Variants in PSME4 observed in about 807,000 individuals in gnomAD.
PSME4 encodes the protein proteasome activator complex subunit 4.
Under a neutral mutation model 253.9 loss-of-function variants are expected in PSME4, and 89 were observed. The ratio of observed to expected loss-of-function variants is 0.35; its 90% CI spans 0.30 to 0.42. The LOEUF (loss-of-function observed/expected upper bound fraction) is 0.42. Ranked by LOEUF, PSME4 falls within the 10% of genes least tolerant of loss-of-function variation. The pLI, the probability that PSME4 is intolerant of heterozygous loss-of-function variation, is 1.00. For synonymous variants in PSME4, 851 were observed against 759.2 expected (o/e 1.12, Z -1.99); for missense variants, 2,014 against 2,195.2 (o/e 0.92, Z 1.65).
At position 53,887,458 on chromosome 2, in the gene PSME4, G is replaced by A. The variant is rs1679692093; in HGVS notation, c.4530C>T (p.Thr1510=). 6.2e-7 allele frequency: 1 copy of A among 1,611,384 alleles called. No individual in the cohort carries two copies. The highest frequency in any genetic ancestry group is 2.2e-5 in the East Asian group (1 of 44,854). The stretch of plus-strand genomic sequence containing the variant: ...AAGATACATCTATCATGAATATGTA[G>A]GTCAGCACACTGCAAAATAAAATAC... ...NVRERIGSVL[T]YIFMIDVSLP... Residue 1510 remains threonine (T), a synonymous_variant, in exon 40 of 47, where the codon ACC becomes ACT. Transcript: ENST00000404125.
intron 41 of PSME4, among the ~76,000 whole-genome samples, chr2:53,882,960 T>C (rs1679466290): frequency 6.6e-6 from 1 of 151,924 alleles, no homozygotes; most frequent in South Asian, 2.1e-4. Context: ...GCTGTTATCA[T>C]ACACAATTAG....
chr2:53,968,275 A>C (rs1387562209), intron 1 of PSME4, among the ~76,000 whole-genome samples: 1 of 76,766 alleles, frequency 1.3e-5, no homozygotes, highest in Admixed American at 1.3e-4. Flanking sequence ...ACTCCACCTC[A>C]AAAAAAAAAA....
chr2:53,969,672 A>C (rs7560832), intron 1 of PSME4, among the ~76,000 whole-genome samples: 13,909 of 144,734 alleles, frequency 0.096, 880 homozygotes, highest in African/African-American at 0.19. Flanking sequence ...TTTTTCCCCC[A>C]CTGTATTTTC....
chr2:53,879,044 C>G (rs1212019178), intron 41 of PSME4, among the ~76,000 whole-genome samples: 1 of 152,172 alleles, frequency 6.6e-6, no homozygotes, highest in African/African-American at 2.4e-5. Context: ...GGACACCCAG[C>G]TTTAAAATTC....
chr2:53,918,304 G>A (rs1668148145), intron 20 of PSME4, among the ~76,000 whole-genome samples: 1 of 152,034 alleles, frequency 6.6e-6, no homozygotes, highest in Admixed American at 6.5e-5. Context: ...TTATCTATCT[G>A]TTTAATAATT....
intron 45 of PSME4, 28 bp downstream of exon 45, chr2:53,866,719 C>T (rs911192455): frequency 1.3e-5 from 21 of 1,595,068 alleles, no homozygotes; most frequent in African/African-American, 2.7e-5. Context: ...TGATAATACA[C>T]GTACAAACTA....
chr2:53,876,583 T>TTATA (rs147877530), intron 41 of PSME4, among the ~76,000 whole-genome samples: 1,948 of 150,102 alleles, frequency 0.013, 47 homozygotes, highest in African/African-American at 0.044. Flanking sequence ...GCTAGAATAC[T>TTATA]TATATATATA....
intron 37 of PSME4, 133 bp downstream of exon 37, chr2:53,889,970 TA>T: frequency 1.4e-6 from 1 of 698,052 alleles, no homozygotes; most frequent in Non-Finnish European, 2.4e-6. Flanking sequence ...CCCATGGAAA[TA>T]AAAAATAAAA....
At chr2:53,970,291 G>C (rs975012346) in intron 1 of PSME4, among the ~76,000 whole-genome samples, 1 of 152,164 alleles carries the variant, frequency 6.6e-6, no homozygotes, top group Admixed American at 6.5e-5. Context: ...ACAACAACCC[G>C]AACACTTCGG....
chr2:53,901,165 CCT>C (rs1489362671), intron 28 of PSME4, among the ~76,000 whole-genome samples, 183 bp downstream of exon 28: 3 of 151,994 alleles, frequency 2.0e-5, no homozygotes, highest in Non-Finnish European at 4.4e-5. Flanking sequence ...GCTACTTCAC[CCT>C]GTTATGTACA....
intron 28 of PSME4, 88 bp from the exon 29 acceptor site, chr2:53,900,105 G>A: frequency 1.6e-6 from 2 of 1,212,946 alleles, no homozygotes; most frequent in South Asian, 2.9e-5. Flanking sequence ...CTAAGTGAAA[G>A]AGGCCAGACA....
rs200756300 is a variant in PSME4, at chr2:53,945,372, ACTT to A, written c.500+3046_500+3048del. 9.6e-3 allele frequency among the ~76,000 whole-genome samples: 1,456 copies of A among 152,264 alleles called. 27 individuals are homozygous for A. Among genetic ancestry groups the A allele is most frequent in the African/African-American group, 0.033 (1,368 of 41,546 alleles). On this transcript the variant is annotated intron_variant, in intron 3 of 46. Transcript: ENST00000404125. ...TCACACTCATCTCCTTTCCAATTTT[ACTT>A]CTTCTATTGAATAAAAAACACTACC...
Position 53,948,606 on chromosome 2 carries a change from T to C in PSME4, c.384-69A>G, listed in dbSNP as rs1016585421. On this transcript the variant is annotated intron_variant, in intron 2 of 46. Transcript: ENST00000404125. ...ACAGATGTGTGTATACCACAAATAC[T>C]ACACAGGGACAGTTAAACATTGCTG... 5 of 978,218 alleles carry C rather than the reference T, an allele frequency of 5.1e-6. No individual in the cohort carries two copies. The Admixed American group carries it at 5.4e-5, about 10-fold the overall frequency. The allele number at this position is 978,218 out of a possible 1,614,324, so 60.6% of individuals were successfully genotyped here.
intron 3 of PSME4, among the ~76,000 whole-genome samples, chr2:53,940,744 C>T (rs990458911): frequency 1.3e-5 from 2 of 149,336 alleles, no homozygotes; most frequent in Admixed American, 6.8e-5. Context: ...ACAATATAAA[C>T]AATGGAGCAC....
chr2:53,936,295 GTTT>G, intron 6 of PSME4, 134 bp from the exon 7 acceptor site: 2 of 1,276,278 alleles, frequency 1.6e-6, no homozygotes, highest in Non-Finnish European at 2.0e-6. Flanking sequence ...TTATGACTTT[GTTT>G]TTTTTAAAAC....
At chr2:53,969,808 C>T (rs1558439085) in intron 1 of PSME4, among the ~76,000 whole-genome samples, 3 of 151,946 alleles carry the variant, frequency 2.0e-5, no homozygotes, top group South Asian at 4.1e-4. Flanking sequence ...TTAACACAAG[C>T]CTGATACTAA....
Position 53,937,366 on chromosome 2 carries a change from T to C in PSME4, c.695+25A>G, listed in dbSNP as rs1479198042. On this transcript the variant is annotated intron_variant, in intron 5 of 46. Coordinates refer to ENST00000404125, the MANE Select transcript of PSME4 (RefSeq NM_014614.3). ...TGTATTTCCTACCGTATTTTTAGAA[T>C]TTGTCAAGATATGAACATACTTACT... The C allele has an allele frequency of 4.0e-6, 6 of 1,509,258 alleles. No homozygotes were observed. The East Asian group carries it at 1.4e-4, about 35-fold the overall frequency. 93.5% of individuals were successfully genotyped at this position (1,509,258 alleles called of 1,614,324 possible). A position where few individuals can be genotyped will look rare whatever the true frequency, so the allele number is the denominator to read the frequency against.
At chr2:53,940,127 C>A (rs1211167354) in intron 3 of PSME4, 127 bp from the exon 4 acceptor site, 6 of 675,472 alleles carry the variant, frequency 8.9e-6, no homozygotes, top group African/African-American at 1.9e-5. Context: ...AATAATTGAG[C>A]CTTCCCTTTC....
intron 5 of PSME4, 73 bp downstream of exon 5, chr2:53,937,318 A>AT (rs774125586): frequency 3.0e-4 from 404 of 1,325,570 alleles, no homozygotes; most frequent in Non-Finnish European, 3.7e-4. Context: ...TCTAGTTGTT[A>AT]TTGTTTTACT....
Sources: allele counts gnomAD v4.1 joint callset (sites outside exome capture counted in the v4.1 genomes callset), GRCh38; gene constraint gnomAD v4.1.1; transcripts MANE v1.5; gene names NCBI Gene and HGNC (gene_info 2026-07-23, HGNC 2026-07-21).